Variants in ASPM observed in about 807,000 individuals in gnomAD.
The protein encoded by ASPM is abnormal spindle-like microcephaly-associated protein.
In ASPM, 256 loss-of-function variants were observed where a neutral mutation model predicts 366.4. The ratio of observed to expected loss-of-function variants is 0.70; its 90% confidence interval spans 0.63 to 0.77. ASPM has a LOEUF of 0.77. ASPM is among the 30% of genes least tolerant of loss of function. The pLI is 0.00. For missense variants in ASPM, 4,146 were observed against 4,090.4 expected (o/e 1.01, Z -0.37); for synonymous variants, 1,414 against 1,342.9 (o/e 1.05, Z -1.16).
chr1:197,138,386 T>G (rs1372593166), intron 4 of ASPM, among the ~76,000 whole-genome samples: 1 of 151,918 alleles, frequency 6.6e-6, no homozygotes, highest in Non-Finnish European at 1.5e-5. Context: ...CGCTGCAACC[T>G]CCACCTCTGG....
Position 197,101,149 on chromosome 1 carries a change from A to C in ASPM, c.8102T>G (p.Met2701Arg), listed in dbSNP as rs1336935484. The change falls in exon 18 of 28, where the codon ATG becomes AGG. Residue 2701 changes from methionine to arginine, a missense_variant. Around this residue, in one of 3 missense-constraint regions of ASPM, gnomAD observed 3,624 missense variants for 3,591.7 expected, o/e 1.01. Transcript: ENST00000367409. The stretch of plus-strand genomic sequence containing the variant: ...TTCATAATCAACTTTGGCCCTGTGC[A>C]TTCGATAGAATGACTGAATTAGTGT... ...AATLIQSFYR[M>R]HRAKVDYETK... The C allele has an allele frequency of 1.7e-5, 28 of 1,612,432 alleles. No individual in the cohort carries two copies. The highest frequency in any genetic ancestry group is 2.4e-5 in the Non-Finnish European group (28 of 1,179,108).
intron 23 of ASPM, 77 bp downstream of exon 23, chr1:197,090,773 G>GA: frequency 7.3e-7 from 1 of 1,365,136 alleles, no homozygotes; most frequent in Non-Finnish European, 1.0e-6. Flanking sequence ...TGGTAACTAT[G>GA]TTTTTATAGT....
chr1:197,135,164 C>A lies in ASPM; in HGVS notation c.2105G>T (p.Gly702Val), dbSNP rs1307738578. The change falls in exon 5 of 28, where the codon GGC becomes GTC. Residue 702 changes from glycine to valine, a missense_variant. Transcript: ENST00000367409. The part of the protein sequence containing the change: ...DERWKEKQEQ[G>V]FTWWLNFILT... ...TATAAAATTTAACCACCAAGTGAAG[C>A]CCTGTTCCTGCTTTTCCTTCCAGCG... is the stretch of plus-strand genomic sequence containing the variant. 1 of 1,613,354 alleles carries A rather than the reference C, an allele frequency of 6.2e-7. No homozygotes were observed. Among genetic ancestry groups the A allele is most frequent in the African/African-American group, 1.3e-5 (1 of 74,998 alleles).
At chr1:197,118,471 C>T (rs971330105) in intron 16 of ASPM, among the ~76,000 whole-genome samples, 8 of 152,026 alleles carry the variant, frequency 5.3e-5, no homozygotes, top group African/African-American at 1.7e-4. Context: ...TTAGGTCATA[C>T]AAGCTGAAGA....
At chr1:197,119,524 T>TA (rs1289656552) in intron 16 of ASPM, among the ~76,000 whole-genome samples, 3 of 152,140 alleles carry the variant, frequency 2.0e-5, no homozygotes, top group African/African-American at 7.2e-5. Context: ...TTAGAGAATT[T>TA]AAAGATGGAA....
At chr1:197,088,162 T>A (rs769251134) in intron 26 of ASPM, 94 bp downstream of exon 26, 62 of 1,381,240 alleles carry the variant, frequency 4.5e-5, no homozygotes, top group Non-Finnish European at 5.9e-5. Flanking sequence ...AAACCCTATT[T>A]TAGAGTGATA....
intron 18 of ASPM, among the ~76,000 whole-genome samples, chr1:197,096,929 A>G (rs769672100): frequency 6.6e-6 from 1 of 151,770 alleles, no homozygotes; most frequent in Non-Finnish European, 1.5e-5. Flanking sequence ...TGAAATTAAG[A>G]AGGACTTGTT....
intron 4 of ASPM, among the ~76,000 whole-genome samples, chr1:197,138,457 C>T (rs976187587): frequency 6.6e-6 from 1 of 152,160 alleles, no homozygotes; most frequent in Admixed American, 6.5e-5. Context: ...GCCACCAAGC[C>T]CAGCCAACTC....
chr1:197,101,381 G>T lies in ASPM; in HGVS notation c.7870C>A (p.Gln2624Lys), dbSNP rs1417021576. 1 of 1,609,078 alleles carries T rather than the reference G, an allele frequency of 6.2e-7. No homozygotes were observed. The highest frequency in any genetic ancestry group is 8.5e-7 in the Non-Finnish European group (1 of 1,178,936). Residue 2624 changes from glutamine to lysine, a missense_variant, in exon 18 of 28, where the codon CAG becomes AAG. Gln to Lys is a moderately conservative substitution (Grantham distance 53). This residue lies in a region of ASPM where 3,624 missense variants were observed against 3,591.7 expected (regional missense o/e 1.01). Transcript: ENST00000367409. ...DMNIKKQIQE[Q>K]HQAAIIIQKH... ...TGAATAATAATGGCAGCCTGGTGCTGTTCCTGAATCTGTTTTTTTATGTTC... is the reference window on the plus strand; with the variant it reads ...TGAATAATAATGGCAGCCTGGTGCTTTTCCTGAATCTGTTTTTTTATGTTC...
chr1:197,102,482 T>G lies in ASPM; in HGVS notation c.6769A>C (p.Arg2257=), dbSNP rs1657227815. The G allele has an allele frequency of 1.9e-6, 3 of 1,612,644 alleles. No individual in the cohort carries two copies. The African/African-American group carries it at 4.0e-5, about 22-fold the overall frequency. ...GCTATATGCATCATTTTTAAATGTCTTCTAGCTTTCTTTCCCCTAAAAATA... is the reference window on the plus strand; with the variant it reads ...GCTATATGCATCATTTTTAAATGTCGTCTAGCTTTCTTTCCCCTAAAAATA... ...QAIFRGKKAR[R]HLKMMHIAAT... Residue 2257 remains arginine (R), a synonymous_variant, in exon 18 of 28, where the codon AGA becomes CGA. Coordinates refer to ENST00000367409, the MANE Select transcript of ASPM (RefSeq NM_018136.5).
At position 197,146,300 on chromosome 1, in the gene ASPM, C is replaced by T. The variant is rs752635802; in HGVS notation, c.138G>A (p.Arg46=). Residue 46 remains arginine (R), a synonymous_variant, in exon 1 of 28, where the codon AGG becomes AGA. Transcript: ENST00000367409. ...CGTCCCCGAAGCAAAGGAAAGGAGA[C>T]CTGCAGAAGTGGCTGAGAGACAGGA... ...PPVLSLSHFC[R]SPFLCFGDVL... 3.7e-6 allele frequency: 6 copies of T among 1,614,066 alleles called. No homozygotes were observed.
intron 10 of ASPM, among the ~76,000 whole-genome samples, chr1:197,125,769 C>G (rs912722338): frequency 2.0e-5 from 3 of 151,928 alleles, no homozygotes; most frequent in African/African-American, 7.2e-5. Flanking sequence ...TATATATACA[C>G]GCACGAATAT....
rs991454203 is a variant in ASPM, at chr1:197,139,378, AG to A, written c.2026+388del. On this transcript the variant is annotated intron_variant, in intron 4 of 27. Transcript: ENST00000367409. ...CTGGGAGGCGAGGGGAGGGATCACG[AG>A]GTCAGGAGATTGCCCGACCACCCCG... 2.9e-5 allele frequency: 17 copies of A among 579,250 alleles called. No individual in the cohort carries two copies. In the African/African-American group the frequency reaches 3.2e-4, roughly 11 times the overall value. 35.9% of individuals were successfully genotyped at this position (579,250 alleles called of 1,614,324 possible). A position where few individuals can be genotyped will look rare whatever the true frequency, so the allele number is the denominator to read the frequency against.
chr1:197,138,123 C>A (rs1299011424), intron 4 of ASPM, among the ~76,000 whole-genome samples: 2 of 152,158 alleles, frequency 1.3e-5, no homozygotes, highest in East Asian at 3.9e-4. Flanking sequence ...ACTGGATCCA[C>A]AAGCAGGACT....
rs748497214 is a variant in ASPM, at chr1:197,102,407, ATCT to A, written c.6841_6843del (p.Arg2281del). The A allele has an allele frequency of 1.6e-5, 25 of 1,612,702 alleles. No homozygotes were observed. In the East Asian group the frequency reaches 3.3e-4, roughly 22 times the overall value. The stretch of plus-strand genomic sequence containing the variant: ...ATAGCAGTTTTCTTGAGAGAGAGGA[ATCT>A]TCTTCTCATCATTAGAGTTCTAAAT... On this transcript the variant is annotated inframe_deletion, in exon 18 of 28. Coordinates refer to ENST00000367409, the MANE Select transcript of ASPM (RefSeq NM_018136.5).
rs138523171 is a variant in ASPM at position 197,103,259 on chromosome 1, G to A, written c.5992C>T (p.Leu1998Phe). Residue 1998 changes from leucine to phenylalanine, a missense_variant, in exon 18 of 28, where the codon CTT (leucine) becomes TTT (phenylalanine). By Grantham distance (22) the Leu-to-Phe change is conservative. Around this residue, in one of 3 missense-constraint regions of ASPM, gnomAD observed 3,624 missense variants for 3,591.7 expected, o/e 1.01. Transcript: ENST00000367409. The stretch of plus-strand genomic sequence containing the variant: ...GCCCTATAATACTTTTGAATCAGAA[G>A]AGCAGCTTTTTTCATGATTTTCCAC... ...KKWKIMKKAA[L>F]LIQKYYRAYS... 12 of 1,612,704 alleles carry A rather than the reference G, an allele frequency of 7.4e-6. No homozygotes were observed. The highest frequency in any genetic ancestry group is 6.7e-5 in the African/African-American group (5 of 74,796).
intron 17 of ASPM, among the ~76,000 whole-genome samples, chr1:197,108,900 G>C (rs556569975): frequency 6.8e-6 from 1 of 146,164 alleles, no homozygotes; most frequent in Non-Finnish European, 1.5e-5. Context: ...GAGCCTAGGA[G>C]ATTGAGGCTG....
chr1:197,143,444 A>AT lies in ASPM; in HGVS notation c.807_808insA (p.Ser270IlefsTer3), dbSNP rs755244024. 6.2e-7 allele frequency: 1 copy of AT among 1,614,082 alleles called. No individual in the cohort carries two copies. The highest frequency in any genetic ancestry group is 1.1e-5 in the South Asian group (1 of 91,082). ...TCAGTTACAGCTTTCTCATTAAAAG[A>AT]AACTTTTGAAACGTTGGCACTGTGT... On this transcript the variant is annotated frameshift_variant, in exon 3 of 28. Coordinates refer to ENST00000367409, the MANE Select transcript of ASPM (RefSeq NM_018136.5). LOFTEE classifies it high-confidence loss of function.
chr1:197,098,966 A>G (rs1452326682), intron 18 of ASPM, among the ~76,000 whole-genome samples: 2 of 151,544 alleles, frequency 1.3e-5, no homozygotes, highest in Non-Finnish European at 3.0e-5. Flanking sequence ...TGAATTCATC[A>G]TCAATCTCAA....
Sources: allele counts gnomAD v4.1 joint callset (sites outside exome capture counted in the v4.1 genomes callset), GRCh38; gene constraint gnomAD v4.1.1; regional missense constraint gnomAD v4.1.1; transcripts MANE v1.5; gene names NCBI Gene and HGNC (gene_info 2026-07-23, HGNC 2026-07-21).